Variants in TSPAN18 observed in about 807,000 individuals in gnomAD.
TSPAN18 encodes tetraspanin 18.
A neutral mutation model predicts 27.3 loss-of-function variants in TSPAN18; 14 were observed. The observed-to-expected ratio is 0.51, with a 90% CI of 0.34 to 0.80. TSPAN18 has a LOEUF of 0.80. Ranked by LOEUF, TSPAN18 falls within the 30% of genes least tolerant of loss-of-function variation. TSPAN18 has a pLI of 0.01. For missense variants in TSPAN18, 268 were observed against 323.9 expected (o/e 0.83, Z 1.32); for synonymous variants, 143 against 136.5 (o/e 1.05, Z -0.33).
rs112958169 is a variant in TSPAN18 at position 44,890,505 on chromosome 11, C to T, written c.-10-15902C>T. On this transcript the variant is annotated intron_variant, in intron 3 of 9. Transcript: ENST00000520358. ...TTGGTAGGCCAAGGCAGGCGGATCA[C>T]GAGGTCAGGAGATCGAGACCATCCT... is the stretch of plus-strand genomic sequence containing the variant. Among the ~76,000 whole-genome samples, 506 of 151,792 alleles carry T rather than the reference C, an allele frequency of 3.3e-3. 4 individuals are homozygous for T. The highest frequency in any genetic ancestry group is 0.011 in the African/African-American group (472 of 41,428).
At chr11:44,904,818 C>T (rs1480795298) in intron 3 of TSPAN18, among the ~76,000 whole-genome samples, 3 of 152,076 alleles carry the variant, frequency 2.0e-5, no homozygotes, top group Middle Eastern at 3.4e-3. Context: ...TGGGCGAGGG[C>T]GAGGAGGGGA....
At chr11:44,814,115 C>A (rs1294113222) in intron 2 of TSPAN18, among the ~76,000 whole-genome samples, 2 of 152,186 alleles carry the variant, frequency 1.3e-5, no homozygotes, top group Non-Finnish European at 2.9e-5. Flanking sequence ...TTGTTTGTGG[C>A]ATCTCTGCAG....
intron 1 of TSPAN18, among the ~76,000 whole-genome samples, chr11:44,743,580 G>A (rs1157123704): frequency 6.6e-6 from 1 of 152,228 alleles, no homozygotes; most frequent in Non-Finnish European, 1.5e-5. Flanking sequence ...GTCCTCGGAA[G>A]TTTGAGGCCT....
intron 8 of TSPAN18, among the ~76,000 whole-genome samples, chr11:44,920,854 C>T (rs531065948): frequency 4.6e-5 from 7 of 152,272 alleles, no homozygotes; most frequent in East Asian, 1.9e-4. Context: ...TTAGAGGACG[C>T]GCAAGATGAA....
chr11:44,892,950 A>G (rs1858902414), intron 3 of TSPAN18, among the ~76,000 whole-genome samples: 1 of 152,214 alleles, frequency 6.6e-6, no homozygotes, highest in South Asian at 2.1e-4. Flanking sequence ...AAGTCCTGGG[A>G]GGCTGCCTCA....
intron 5 of TSPAN18, 54 bp from the exon 6 acceptor site, chr11:44,917,918 C>T (rs940078441): frequency 8.2e-6 from 13 of 1,576,520 alleles, no homozygotes; most frequent in African/African-American, 8.1e-5. Flanking sequence ...GGCCAGTGGC[C>T]GCCCCATCCC....
At chr11:44,925,247 C>G (rs563501298) in intron 8 of TSPAN18, among the ~76,000 whole-genome samples, 138 of 152,388 alleles carry the variant, frequency 9.1e-4, no homozygotes, top group African/African-American at 3.0e-3. Flanking sequence ...GATACCTGGG[C>G]TCCACACCAG....
At chr11:44,740,444 G>C (rs1322506964) in intron 1 of TSPAN18, among the ~76,000 whole-genome samples, 1 of 152,216 alleles carries the variant, frequency 6.6e-6, no homozygotes, top group East Asian at 1.9e-4. Context: ...TGTCCTGTGA[G>C]AGGGCAGGGC....
intron 2 of TSPAN18, among the ~76,000 whole-genome samples, chr11:44,770,541 A>G (rs1273633482): frequency 6.6e-6 from 1 of 152,212 alleles, no homozygotes; most frequent in Non-Finnish European, 1.5e-5. Flanking sequence ...TTGGAGGCCC[A>G]GCCTGCACAG....
chr11:44,830,206 G>A (rs1006218775), intron 2 of TSPAN18, among the ~76,000 whole-genome samples: 1 of 152,144 alleles, frequency 6.6e-6, no homozygotes, highest in Admixed American at 6.6e-5. Flanking sequence ...CACCTGGCTG[G>A]CCCCTCTTAT....
At chr11:44,760,379 C>T (rs993414184) in intron 1 of TSPAN18, among the ~76,000 whole-genome samples, 3 of 152,184 alleles carry the variant, frequency 2.0e-5, no homozygotes, top group African/African-American at 7.2e-5. Flanking sequence ...GATGGAGAGT[C>T]AAGGCTGCTT....
At chr11:44,837,110 G>T (rs1857279810) in intron 2 of TSPAN18, among the ~76,000 whole-genome samples, 1 of 152,216 alleles carries the variant, frequency 6.6e-6, no homozygotes, top group African/African-American at 2.4e-5. Flanking sequence ...AGCAGCCATA[G>T]ATAGTGATTC....
intron 2 of TSPAN18, among the ~76,000 whole-genome samples, chr11:44,847,588 A>C (rs1857511187): frequency 6.6e-6 from 1 of 152,208 alleles, no homozygotes; most frequent in Non-Finnish European, 1.5e-5. Flanking sequence ...ATGCTGCTAT[A>C]AACATTTGTG....
At position 44,731,312 on chromosome 11, in the gene TSPAN18, C is replaced by T. The variant is rs142829309; in HGVS notation, c.-240+4025C>T. ...GTGGTGGTTAAACTGCCTGGATTTG[C>T]CTGTTAGCTTTATCATAACTTCATA... On this transcript the variant is annotated intron_variant, in intron 1 of 9. Coordinates refer to ENST00000520358, the MANE Select transcript of TSPAN18 (RefSeq NM_130783.5). 1.5e-3 allele frequency among the ~76,000 whole-genome samples: 235 copies of T among 152,238 alleles called. 1 individual carries two copies. In the East Asian group the frequency reaches 0.016, roughly 10 times the overall value.
chr11:44,910,724 C>T (rs565380431), intron 5 of TSPAN18, among the ~76,000 whole-genome samples: 6 of 152,326 alleles, frequency 3.9e-5, no homozygotes, highest in East Asian at 3.9e-4. Flanking sequence ...TCCTATCATG[C>T]GCATGTAGTT....
intron 2 of TSPAN18, among the ~76,000 whole-genome samples, chr11:44,791,886 A>G (rs528512194): frequency 6.6e-6 from 1 of 152,286 alleles, no homozygotes; most frequent in Non-Finnish European, 1.5e-5. Flanking sequence ...ACAGCAGATG[A>G]TGGGTTGCCA....
intron 3 of TSPAN18, among the ~76,000 whole-genome samples, chr11:44,879,609 A>C (rs1858434774): frequency 1.3e-5 from 2 of 152,224 alleles, no homozygotes; most frequent in South Asian, 4.1e-4. Context: ...TGTGCTTGCC[A>C]TGGTGGAAAA....
intron 2 of TSPAN18, among the ~76,000 whole-genome samples, chr11:44,844,847 G>A (rs1338133040): frequency 6.6e-6 from 1 of 152,122 alleles, no homozygotes; most frequent in Non-Finnish European, 1.5e-5. Flanking sequence ...TGTTTATTGA[G>A]AACTTCATTT....
chr11:44,925,443 C>A (rs1222064963), intron 8 of TSPAN18, among the ~76,000 whole-genome samples: 1 of 152,182 alleles, frequency 6.6e-6, no homozygotes, highest in Non-Finnish European at 1.5e-5. Context: ...TTCTGGGGGA[C>A]TTCCCTGCCC....
Sources: allele counts gnomAD v4.1 joint callset (sites outside exome capture counted in the v4.1 genomes callset), GRCh38; gene constraint gnomAD v4.1.1; transcripts MANE v1.5; gene names NCBI Gene and HGNC (gene_info 2026-07-23, HGNC 2026-07-21).